ADAM11: variants seen among roughly 807,000 people sequenced by gnomAD.
The protein encoded by ADAM11 is ADAM metallopeptidase domain 11, also known as disintegrin and metalloproteinase domain-containing protein 11.
A neutral mutation model predicts 119.1 loss-of-function variants in ADAM11; 49 were observed. The observed-to-expected ratio is 0.41, with a 90% CI of 0.33 to 0.52. The LOEUF is 0.52. ADAM11 is among the 20% of genes least tolerant of loss of function. The pLI is 0.20. For synonymous variants in ADAM11, 364 were observed against 408.0 expected, an observed-to-expected ratio of 0.89 and a Z score of 1.30; for missense variants, 777 against 1,047.5, an observed-to-expected ratio of 0.74 and a Z score of 3.56.
At chr17:44,764,863 G>A (rs935142710) in intron 2 of ADAM11, among the ~76,000 whole-genome samples, 2 of 152,140 alleles carry the variant, frequency 1.3e-5, no homozygotes, top group African/African-American at 4.8e-5. Flanking sequence ...AGGGTGCTGG[G>A]CCCTGGTGCT....
At position 44,771,606 on chromosome 17, in the gene ADAM11, ACCAGGGGAAGCT is replaced by A; in HGVS notation, c.407_418del (p.Gln136_Leu139del). The A allele has an allele frequency of 6.2e-7, 1 of 1,611,770 alleles. No individual in the cohort carries two copies. The highest frequency in any genetic ancestry group is 8.5e-7 in the Non-Finnish European group (1 of 1,179,502). On this transcript the variant is annotated inframe_deletion, in exon 5 of 27. Transcript: ENST00000200557. ...CAGGGGGCTGGAGACCACTGCTACT[ACCAGGGGAAGCT>A]CCGGGGGAACCCGCACTCCTTCGCC... is the stretch of plus-strand genomic sequence containing the variant.
At chr17:44,769,395 C>T (rs1471097665) in intron 2 of ADAM11, among the ~76,000 whole-genome samples, 1 of 152,238 alleles carries the variant, frequency 6.6e-6, no homozygotes, top group East Asian at 1.9e-4. Flanking sequence ...CATAATGAGG[C>T]AGAGGGCTGG....
intron 2 of ADAM11, 27 bp downstream of exon 2, chr17:44,759,924 G>T (rs758462501): frequency 9.5e-6 from 12 of 1,266,090 alleles, no homozygotes; most frequent in Non-Finnish European, 1.2e-5. Flanking sequence ...GGTGAGGCCA[G>T]GGGCTGAAGC....
chr17:44,766,567 G>A (rs1009033454), intron 2 of ADAM11, among the ~76,000 whole-genome samples: 1 of 152,268 alleles, frequency 6.6e-6, no homozygotes, highest in Non-Finnish European at 1.5e-5. Flanking sequence ...GTGGCGACAC[G>A]AACTCCAGCC....
intron 1 of ADAM11, 107 bp downstream of exon 1, chr17:44,759,367 C>G (rs1323290795): frequency 2.4e-6 from 3 of 1,269,702 alleles, no homozygotes; most frequent in African/African-American, 1.5e-5. Flanking sequence ...GGGTGACAGC[C>G]GGTCCGGAGC....
Position 44,772,295 on chromosome 17 carries a change from C to G in ADAM11, c.572C>G (p.Thr191Ser). 3.1e-6 allele frequency: 5 copies of G among 1,608,086 alleles called. No individual in the cohort carries two copies. In the Admixed American group the frequency reaches 5.0e-5, roughly 16 times the overall value. Residue 191 changes from threonine (T) to serine (S), a missense_variant, in exon 7 of 27, where the codon ACC (threonine) becomes AGC (serine). Around this residue, in one of 4 missense-constraint regions of ADAM11, gnomAD observed 278 missense variants for 310.1 expected, o/e 0.90. Transcript: ENST00000200557. The surrounding 1 kb of genome is among the most constrained non-coding windows in gnomAD (Gnocchi z 4.5). ...QGPLPHLIYR[T>S]PLLPDPLGCR... ...CCCCTTCCCCACCTCATTTACCGGA[C>G]CCCTCTCCTCCCAGATCCCCTCGGA...
intron 2 of ADAM11, among the ~76,000 whole-genome samples, chr17:44,768,340 G>A (rs373207146): frequency 2.6e-5 from 4 of 152,150 alleles, no homozygotes; most frequent in Non-Finnish European, 2.9e-5. Flanking sequence ...AGGGTGAGTC[G>A]GTGTCCTTGG....
Position 44,759,299 on chromosome 17 carries a change from C to T in ADAM11, c.61+39C>T. The T allele has an allele frequency of 4.4e-6, 6 of 1,351,220 alleles. No homozygotes were observed. In the South Asian group the frequency reaches 6.8e-5, roughly 15 times the overall value. The allele number at this position is 1,351,220 out of a possible 1,614,324, so 83.7% of individuals were successfully genotyped here. On this transcript the variant is annotated intron_variant, in intron 1 of 26. Transcript: ENST00000200557. ...GCCCGGCCCCGGCGCCCCCTCCCTG[C>T]CCCCGCCCCGGGATGTGCGGCGCTT... is the stretch of plus-strand genomic sequence containing the variant.
rs2049551011 is a variant in ADAM11, at chr17:44,773,212, T to C, written c.826-49T>C. 1 of 1,541,158 alleles carries C rather than the reference T, an allele frequency of 6.5e-7. No individual in the cohort carries two copies. Among genetic ancestry groups the C allele is most frequent in the Non-Finnish European group, 8.8e-7 (1 of 1,134,688 alleles). On this transcript the variant is annotated intron_variant, in intron 10 of 26. Coordinates refer to ENST00000200557, the MANE Select transcript of ADAM11 (RefSeq NM_002390.6). This position sits in a 1 kb window ranked among gnomAD's most constrained non-coding sequence, Gnocchi z 4.6. ...GAACAGACAGGCCCTCCTCCAGCCC[T>C]GGCCCCAACACCCACTCCCACCCTC...
rs1468137814 is a variant in ADAM11, at chr17:44,759,786, A to G, written c.126A>G (p.Pro42=). Residue 42 remains proline (P), a synonymous_variant, in exon 2 of 27, where the codon CCA becomes CCG. Coordinates refer to ENST00000200557, the MANE Select transcript of ADAM11 (RefSeq NM_002390.6). ...RWGGLPQLGG[P]GAPEVTEPSR... is the part of the protein sequence containing the mutation. Reference sequence around the variant, plus strand: ...GGGGCTTACCCCAGCTGGGAGGCCCAGGAGCCCCTGAGGTCACGGAACCCA... The same window carrying G: ...GGGGCTTACCCCAGCTGGGAGGCCCGGGAGCCCCTGAGGTCACGGAACCCA... 3 of 1,324,640 alleles carry G rather than the reference A, an allele frequency of 2.3e-6. No homozygotes were observed. The South Asian group carries it at 8.7e-5, about 38-fold the overall frequency. 82.1% of individuals were successfully genotyped at this position (1,324,640 alleles called of 1,614,324 possible). A position where few individuals can be genotyped will look rare whatever the true frequency, so the allele number is the denominator to read the frequency against.
At position 44,769,979 on chromosome 17, in the gene ADAM11, C is replaced by T; in HGVS notation, c.315-3C>T. 6.2e-7 allele frequency: 1 copy of T among 1,614,106 alleles called. No individual in the cohort carries two copies. The highest frequency in any genetic ancestry group is 8.5e-7 in the Non-Finnish European group (1 of 1,179,982). On this transcript the variant is annotated splice_region_variant and splice_polypyrimidine_tract_variant and intron_variant, in intron 3 of 26. Transcript: ENST00000200557. ...CCCCTTCCTGCTGCCCCCTCTGTCT[C>T]AGCCACCTCCTCTCCTCGCAATACG...
rs2049637077 is a variant in ADAM11, at chr17:44,778,383, T to C, written c.2276+141T>C. 2 of 864,878 alleles carry C rather than the reference T, an allele frequency of 2.3e-6. 1 individual carries two copies. The highest frequency in any genetic ancestry group is 3.8e-5 in the South Asian group (2 of 52,658). The allele number at this position is 864,878 out of a possible 1,614,324, so 53.6% of individuals were successfully genotyped here. On this transcript the variant is annotated intron_variant, in intron 25 of 26. Coordinates refer to ENST00000200557, the MANE Select transcript of ADAM11 (RefSeq NM_002390.6). ...CATAGGTCCAAGTAGCCTGCAGGGC[T>C]TAACATTTAGAAACTAGGAGATTTT...
In ADAM11 at chr17:44,773,283, CT is replaced by C; in HGVS notation, c.849del (p.Arg284AlafsTer74). ...CAGATATACAAGGAGCAGCTCAACA[CT>C]CGCATCGTCCTGGTTGCCATGGAAA... is the stretch of plus-strand genomic sequence containing the variant. ...ADVIYKEQLN[T>X]RIVLVAMETW... On this transcript the variant is annotated frameshift_variant, in exon 11 of 27. Transcript: ENST00000200557. LOFTEE classifies it high-confidence loss of function. The surrounding 1 kb of genome is among the most constrained non-coding windows in gnomAD (Gnocchi z 4.6). 1.2e-6 allele frequency: 2 copies of C among 1,614,044 alleles called. No individual in the cohort carries two copies. Among genetic ancestry groups the C allele is most frequent in the Non-Finnish European group, 1.7e-6 (2 of 1,179,990 alleles).
In ADAM11 at chr17:44,776,557, G is replaced by A. The variant is rs1306909540; in HGVS notation, c.1567-188G>A. Among the ~76,000 whole-genome samples, 1 of 152,114 alleles carries A rather than the reference G, an allele frequency of 6.6e-6. No homozygotes were observed. Among genetic ancestry groups the A allele is most frequent in the Non-Finnish European group, 1.5e-5 (1 of 68,010 alleles). ...CCCTACGAGGGAGGGAGGCTGGAGC[G>A]GCTCTGGGGCTTGCAAATCCGTGTG... On this transcript the variant is annotated intron_variant, in intron 18 of 26. Coordinates refer to ENST00000200557, the MANE Select transcript of ADAM11 (RefSeq NM_002390.6). This position sits in a 1 kb window ranked among gnomAD's most constrained non-coding sequence, Gnocchi z 5.2.
rs200895725 is a variant in ADAM11 at position 44,772,861 on chromosome 17, G to A, written c.683G>A (p.Arg228His). 8.1e-5 allele frequency: 131 copies of A among 1,612,988 alleles called. 5 individuals carry two copies. The South Asian group carries it at 9.7e-4, about 12-fold the overall frequency. ...AAGTGCCCACCCACCCCCCAGGTCC[G>A]CCGGGGCCACCCTACAGTGCACAGT... ...RPRLRRKRQVRRGHPTVHSET... is the reference protein window; with the variant it reads ...RPRLRRKRQVHRGHPTVHSET... Residue 228 changes from arginine to histidine, a missense_variant, in exon 9 of 27, where the codon CGC (arginine) becomes CAC (histidine). Physicochemically the swap from Arg to His is conservative, Grantham distance 29 (BLOSUM62 0). This residue lies in a region of ADAM11 where 278 missense variants were observed against 310.1 expected (regional missense o/e 0.90). Transcript: ENST00000200557. This position sits in a 1 kb window ranked among gnomAD's most constrained non-coding sequence, Gnocchi z 4.5.
Position 44,776,713 on chromosome 17 carries a change from T to C in ADAM11, c.1567-32T>C. 1.2e-6 allele frequency: 2 copies of C among 1,612,972 alleles called. No homozygotes were observed. The highest frequency in any genetic ancestry group is 2.2e-5 in the South Asian group (2 of 90,944). ...CAGCCCTCAGCTCCAGTCCTGGGAC[T>C]GCTCCGCTCAACCCCACCCCTCTCT... On this transcript the variant is annotated intron_variant, in intron 18 of 26. Transcript: ENST00000200557. This position sits in a 1 kb window ranked among gnomAD's most constrained non-coding sequence, Gnocchi z 5.2.
At chr17:44,766,762 A>G (rs970008688) in intron 2 of ADAM11, among the ~76,000 whole-genome samples, 4 of 152,076 alleles carry the variant, frequency 2.6e-5, no homozygotes, top group African/African-American at 7.2e-5. Flanking sequence ...GCAAGAGACA[A>G]GTGCAGGGCA....
chr17:44,769,913 C>G, intron 3 of ADAM11, 69 bp from the exon 4 acceptor site: 5 of 1,607,818 alleles, frequency 3.1e-6, no homozygotes, highest in Non-Finnish European at 4.3e-6. Context: ...GGGTCCTGAC[C>G]TGAGGCGAGC....
At chr17:44,761,035 T>A (rs938469059) in intron 2 of ADAM11, among the ~76,000 whole-genome samples, 2 of 28,508 alleles carry the variant, frequency 7.0e-5, no homozygotes, top group South Asian at 1.2e-3. Context: ...GGGGGTGGGG[T>A]GGGGGGTGGA....
Sources: gnomAD v4.1 joint callset for allele counts (sites outside exome capture counted in the v4.1 genomes callset) on GRCh38, gnomAD v4.1.1 for gene constraint, gnomAD v4.1.1 regional missense constraint, Gnocchi (gnomAD v3.1) non-coding constraint, MANE v1.5 for transcripts, NCBI Gene and HGNC (gene_info 2026-07-23, HGNC 2026-07-21) for gene names.